The following HINT1 variants were observed in gnomAD, a reference collection of about 807,000 sequenced individuals.
HINT1 encodes histidine triad nucleotide binding protein 1.
HINT1 carries 12 observed loss-of-function variants against 11.2 expected under a neutral mutation model. That is an observed-to-expected ratio of 1.07 (90% confidence interval 0.69 to 1.74). HINT1 has a LOEUF of 1.74. Among genes scored for constraint, HINT1 ranks in the 40% most tolerant of loss-of-function variants. HINT1 has a pLI of 0.00. For missense variants in HINT1, 150 were observed against 161.8 expected (o/e 0.93, Z 0.40); for synonymous variants, 42 against 52.6 (o/e 0.80, Z 0.87).
chr5:131,160,432 AG>A (rs1191565014), intron 2 of HINT1, among the ~76,000 whole-genome samples: 8 of 152,206 alleles, frequency 5.3e-5, no homozygotes, highest in African/African-American at 1.7e-4. Flanking sequence ...TAAAAGTTAA[AG>A]GGGAGAAGGT....
At chr5:131,159,738 T>C (rs1755202272) in intron 2 of HINT1, 127 bp from the exon 3 acceptor site, 3 of 808,500 alleles carry the variant, frequency 3.7e-6, no homozygotes, top group East Asian at 2.7e-5. Context: ...TGAGCAAATA[T>C]TTGGAAACTC....
At chr5:131,162,501 G>A (rs771346560) in intron 2 of HINT1, 71 bp downstream of exon 2, 2 of 1,597,992 alleles carry the variant, frequency 1.3e-6, no homozygotes, top group Non-Finnish European at 1.7e-6. Context: ...AAATGTGACA[G>A]CACTTTAAGG....
At position 131,162,643 on chromosome 5, in the gene HINT1, G is replaced by T; in HGVS notation, c.145C>A (p.Pro49Thr). 6.2e-7 allele frequency: 1 copy of T among 1,612,792 alleles called. No homozygotes were observed. Among genetic ancestry groups the T allele is most frequent in the Non-Finnish European group, 8.5e-7 (1 of 1,179,088 alleles). The change falls in exon 2 of 3, where the codon CCA becomes ACA. Residue 49 changes from proline (P) to threonine (T), a missense_variant. Physicochemically the swap from Pro to Thr is conservative, Grantham distance 38. Transcript: ENST00000304043. ...TTGGGTATCACCAGAAAATGTGTTG[G>T]TGCTTGAGGGGAAATGTCATGGAAA... ...LAFHDISPQA[P>T]THFLVIPKKH...
chr5:131,164,487 G>GCCTAC (rs1219511362), intron 1 of HINT1, among the ~76,000 whole-genome samples: 11 of 152,346 alleles, frequency 7.2e-5, no homozygotes, highest in Middle Eastern at 3.4e-3. Flanking sequence ...CCCAGGGTAG[G>GCCTAC]CCTTGGGGTG....
In HINT1 at chr5:131,159,586, C is replaced by T; in HGVS notation, c.242G>A (p.Gly81Asp). 6.2e-7 allele frequency: 1 copy of T among 1,613,014 alleles called. No homozygotes were observed. Among genetic ancestry groups the T allele is most frequent in the Non-Finnish European group, 8.5e-7 (1 of 1,179,448 alleles). ...ESLLGHLMIV[G>D]KKCAADLGLN... ...GCCCAGATCAGCAGCACATTTCTTG[C>T]CAACAATCATTAAGTGTCCAAGAAG... The change falls in exon 3 of 3, where the codon GGC becomes GAC. Residue 81 changes from glycine to aspartate, a missense_variant. By Grantham distance (94) the Gly-to-Asp change is moderately conservative. Coordinates refer to ENST00000304043, the MANE Select transcript of HINT1 (RefSeq NM_005340.7).
chr5:131,164,556 C>T (rs1329480882), intron 1 of HINT1, among the ~76,000 whole-genome samples: 5 of 152,224 alleles, frequency 3.3e-5, no homozygotes, highest in Non-Finnish European at 5.9e-5. Context: ...AGGAAGCCGG[C>T]AGGCCCAGAC....
Position 131,159,511 on chromosome 5 carries a change from T to A in HINT1, c.317A>T (p.Gln106Leu), listed in dbSNP as rs763329191. ...MVVNEGSDGGQSVYHVHLHVL... is the reference protein window; with the variant it reads ...MVVNEGSDGGLSVYHVHLHVL... ...ATGGAGATGAACGTGATAGACAGAC[T>A]GTCCACCATCTGAACCTTCATTCAC... Residue 106 changes from glutamine to leucine, a missense_variant, in exon 3 of 3, where the codon CAG (glutamine) becomes CTG (leucine). Physicochemically the swap from Gln to Leu is moderately radical, Grantham distance 113. Coordinates refer to ENST00000304043, the MANE Select transcript of HINT1 (RefSeq NM_005340.7). 16 of 1,613,686 alleles carry A rather than the reference T, an allele frequency of 9.9e-6. No individual in the cohort carries two copies. Among genetic ancestry groups the A allele is most frequent in the Non-Finnish European group, 1.4e-5 (16 of 1,179,960 alleles).
intron 2 of HINT1, among the ~76,000 whole-genome samples, chr5:131,161,599 A>G (rs1307213039): frequency 1.3e-5 from 2 of 151,710 alleles, no homozygotes; most frequent in Non-Finnish European, 2.9e-5. Flanking sequence ...CCGTCTCAAA[A>G]AAAAAAAAAA....
At position 131,162,577 on chromosome 5, in the gene HINT1, C is replaced by T. The variant is rs750027964; in HGVS notation, c.211G>A (p.Glu71Lys). The change falls in exon 2 of 3, where the codon GAA (glutamate) becomes AAA (lysine). Residue 71 changes from glutamate to lysine, a missense_variant. Transcript: ENST00000304043. ...SQISVAEDDD[E>K]SLLGHLMIVG... is the part of the protein sequence containing the mutation. ...CATGTTAGAAATGTACTTACACTTT[C>T]ATCATCATCTTCTGCCACAGAAATC... is the stretch of plus-strand genomic sequence containing the variant. 2.5e-6 allele frequency: 4 copies of T among 1,609,582 alleles called. No homozygotes were observed. Among genetic ancestry groups the T allele is most frequent in the Non-Finnish European group, 3.4e-6 (4 of 1,175,942 alleles).
chr5:131,160,355 A>G (rs761407747), intron 2 of HINT1, among the ~76,000 whole-genome samples: 2 of 152,130 alleles, frequency 1.3e-5, no homozygotes, highest in Non-Finnish European at 2.9e-5. Context: ...TTTTGGTTCT[A>G]TCTACAGTCA....
Position 131,164,990 on chromosome 5 carries a change from C to G in HINT1, c.111+105G>C, listed in dbSNP as rs1444091093. The G allele has an allele frequency of 4.6e-6, 7 of 1,513,226 alleles. No homozygotes were observed. The Admixed American group carries it at 7.7e-5, about 17-fold the overall frequency. The allele number at this position is 1,513,226 out of a possible 1,614,324, so 93.7% of individuals were successfully genotyped here. On this transcript the variant is annotated intron_variant, in intron 1 of 2. Coordinates refer to ENST00000304043, the MANE Select transcript of HINT1 (RefSeq NM_005340.7). Reference sequence around the variant, plus strand: ...GGACCAGGGCAGCCAGGTCCCCTCCCGTCGCCGCTACACTCGCGACCCCTC... The same window carrying G: ...GGACCAGGGCAGCCAGGTCCCCTCCGGTCGCCGCTACACTCGCGACCCCTC...
intron 1 of HINT1, among the ~76,000 whole-genome samples, chr5:131,163,233 A>G (rs1755303041): frequency 6.6e-6 from 1 of 152,208 alleles, no homozygotes; most frequent in African/African-American, 2.4e-5. Context: ...TTACAGGAAA[A>G]GCCTGATTTA....
chr5:131,160,939 A>G, intron 2 of HINT1: 1 of 411,452 alleles, frequency 2.4e-6, no homozygotes, highest in Non-Finnish European at 4.9e-6. Flanking sequence ...AGGCTAGGCT[A>G]TAATGTTCAG....
chr5:131,165,220 C>T lies in HINT1; in HGVS notation c.-15G>A. On this transcript the variant is annotated 5_prime_UTR_variant, in exon 1 of 3. Transcript: ENST00000304043. Reference sequence around the variant, plus strand: ...TCATCTGCCATCTCGGCCTCTCTCCCGCGCGGCGGCCAGAGGAGAGGCTCG... The same window carrying T: ...TCATCTGCCATCTCGGCCTCTCTCCTGCGCGGCGGCCAGAGGAGAGGCTCG... The T allele has an allele frequency of 6.2e-7, 1 of 1,602,440 alleles. No homozygotes were observed. Among genetic ancestry groups the T allele is most frequent in the Non-Finnish European group, 8.5e-7 (1 of 1,179,522 alleles).
chr5:131,161,285 G>A (rs937403920), intron 2 of HINT1, among the ~76,000 whole-genome samples: 10 of 152,124 alleles, frequency 6.6e-5, no homozygotes, highest in Admixed American at 3.9e-4. Flanking sequence ...TGCCATGACT[G>A]TCTAATTATA....
At chr5:131,160,116 G>A (rs920305138) in intron 2 of HINT1, among the ~76,000 whole-genome samples, 1 of 151,978 alleles carries the variant, frequency 6.6e-6, no homozygotes, top group Non-Finnish European at 1.5e-5. Context: ...AACTTCCAAA[G>A]TGCTGGGATT....
intron 2 of HINT1, chr5:131,160,771 C>T: frequency 1.5e-6 from 1 of 647,590 alleles, no homozygotes; most frequent in South Asian, 1.5e-5. Flanking sequence ...CAGGAGAAAC[C>T]ATACTTCGAA....
chr5:131,165,218 C>G lies in HINT1; in HGVS notation c.-13G>C, dbSNP rs141022872. 55 of 1,602,948 alleles carry G rather than the reference C, an allele frequency of 3.4e-5. No individual in the cohort carries two copies. In the African/African-American group the frequency reaches 6.3e-4, roughly 18 times the overall value. On this transcript the variant is annotated 5_prime_UTR_variant, in exon 1 of 3. Transcript: ENST00000304043. ...TCTCATCTGCCATCTCGGCCTCTCT[C>G]CCGCGCGGCGGCCAGAGGAGAGGCT... is the stretch of plus-strand genomic sequence containing the variant.
chr5:131,163,921 G>A (rs560986097), intron 1 of HINT1, among the ~76,000 whole-genome samples: 1 of 152,102 alleles, frequency 6.6e-6, no homozygotes, highest in South Asian at 2.1e-4. Flanking sequence ...GCTTCCTGCC[G>A]TTCTACAGTT....
Sources: gnomAD v4.1 joint callset for allele counts (sites outside exome capture counted in the v4.1 genomes callset) on GRCh38, gnomAD v4.1.1 for gene constraint, MANE v1.5 for transcripts, NCBI Gene and HGNC (gene_info 2026-07-23, HGNC 2026-07-21) for gene names.